PTPRZ1: variants seen among roughly 807,000 people sequenced by gnomAD.
PTPRZ1 encodes receptor-type tyrosine-protein phosphatase zeta.
PTPRZ1 carries 82 observed loss-of-function variants against 214.1 expected under a neutral mutation model. That is an observed-to-expected ratio of 0.38 (90% CI 0.32 to 0.46). The LOEUF (loss-of-function observed/expected upper bound fraction) is 0.46, where lower values mean the gene tolerates loss of function less well. Ranked by LOEUF, PTPRZ1 falls within the 20% of genes least tolerant of loss-of-function variation. The pLI is 1.00. For missense variants in PTPRZ1, 2,603 were observed against 2,748.7 expected, an observed-to-expected ratio of 0.95 and a Z score of 1.19; for synonymous variants, 945 against 987.9, an observed-to-expected ratio of 0.96 and a Z score of 0.81.
intron 6 of PTPRZ1, among the ~76,000 whole-genome samples, 166 bp from the exon 7 acceptor site, chr7:121,983,499 T>TG (rs1219814999): frequency 6.6e-6 from 1 of 152,232 alleles, no homozygotes; most frequent in Non-Finnish European, 1.5e-5. Flanking sequence ...TAATACAATT[T>TG]GGGGCATGCC....
In PTPRZ1 at chr7:121,873,446, T is replaced by G; in HGVS notation, c.-54T>G. 1 of 1,582,372 alleles carries G rather than the reference T, an allele frequency of 6.3e-7. No individual in the cohort carries two copies. Among genetic ancestry groups the G allele is most frequent in the Admixed American group, 1.7e-5 (1 of 59,762 alleles). ...ACATTTCCTTCGCTCCCCCTCCCTC[T>G]CCACTCTGAGAAGCAGAGGAGCCGC... On this transcript the variant is annotated 5_prime_UTR_variant, in exon 1 of 30. Transcript: ENST00000393386.
Position 122,053,894 on chromosome 7 carries a change from C to T in PTPRZ1, c.6253-16C>T. The T allele has an allele frequency of 1.9e-6, 3 of 1,611,118 alleles. No individual in the cohort carries two copies. The highest frequency in any genetic ancestry group is 2.5e-6 in the Non-Finnish European group (3 of 1,178,458). On this transcript the variant is annotated splice_polypyrimidine_tract_variant and intron_variant, in intron 25 of 29. Coordinates refer to ENST00000393386, the MANE Select transcript of PTPRZ1 (RefSeq NM_002851.3). ...CATACGCCAGTGCTGTTTTTGTCTT[C>T]TCTTTGGTTTTGTAGGGCTATTACC... is the stretch of plus-strand genomic sequence containing the variant.
intron 2 of PTPRZ1, among the ~76,000 whole-genome samples, chr7:121,944,569 C>T (rs181912296): frequency 1.8e-4 from 28 of 152,144 alleles, no homozygotes; most frequent in Non-Finnish European, 3.4e-4. Context: ...TTAAACAACT[C>T]ATGTAATTGT....
At chr7:121,952,507 G>A (rs774933113) in intron 2 of PTPRZ1, among the ~76,000 whole-genome samples, 13 of 152,004 alleles carry the variant, frequency 8.6e-5, no homozygotes, top group Non-Finnish European at 1.8e-4. Flanking sequence ...AATCACTTGA[G>A]CCCAGGAGTT....
At chr7:121,925,705 C>T (rs1009035900) in intron 1 of PTPRZ1, among the ~76,000 whole-genome samples, 6 of 152,104 alleles carry the variant, frequency 3.9e-5, no homozygotes, top group East Asian at 1.9e-4. Flanking sequence ...TCTGTATTTG[C>T]TGATTGGCTT....
chr7:122,036,084 C>T (rs958256983), intron 17 of PTPRZ1, among the ~76,000 whole-genome samples: 1 of 152,162 alleles, frequency 6.6e-6, no homozygotes, highest in Admixed American at 6.5e-5. Flanking sequence ...TTTGCTGTAA[C>T]CATTCACAGA....
chr7:122,013,967 A>T, intron 12 of PTPRZ1, 78 bp downstream of exon 12: 1 of 1,296,424 alleles, frequency 7.7e-7, no homozygotes, highest in Non-Finnish European at 1.0e-6. Context: ...TTATAGAAAG[A>T]TAGAAATTTG....
intron 1 of PTPRZ1, among the ~76,000 whole-genome samples, chr7:121,882,736 A>G (rs912745795): frequency 2.0e-5 from 3 of 152,196 alleles, no homozygotes; most frequent in African/African-American, 7.2e-5. Flanking sequence ...ACAGGGAATC[A>G]GGAAGCTTGG....
intron 11 of PTPRZ1, 82 bp from the exon 12 acceptor site, chr7:122,010,252 G>T (rs1798605353): frequency 1.5e-6 from 2 of 1,331,288 alleles, no homozygotes; most frequent in African/African-American, 1.5e-5. Flanking sequence ...TACCACAAGT[G>T]ATGATTGGCA....
chr7:122,034,606 A>G (rs189925849), intron 17 of PTPRZ1, among the ~76,000 whole-genome samples: 1 of 152,278 alleles, frequency 6.6e-6, no homozygotes, highest in African/African-American at 2.4e-5. Context: ...CAAACTTAGA[A>G]TTTTAATCCA....
rs181766333 is a variant in PTPRZ1, at chr7:122,061,311, G to C, written c.*91G>C. ...AATCAGTCTAGTTCTGTTATCTGTT[G>C]ATTTCCCATCACCTGACAGTAACTT... On this transcript the variant is annotated 3_prime_UTR_variant, in exon 30 of 30. Coordinates refer to ENST00000393386, the MANE Select transcript of PTPRZ1 (RefSeq NM_002851.3). The C allele has an allele frequency of 2.4e-5, 30 of 1,240,702 alleles. No individual in the cohort carries two copies. In the Admixed American group the frequency reaches 6.2e-4, roughly 25 times the overall value. 76.9% of individuals were successfully genotyped at this position (1,240,702 alleles called of 1,614,324 possible).
rs539568070 is a variant in PTPRZ1 at position 121,873,346 on chromosome 7, A to C, written c.-154A>C. The C allele has an allele frequency of 9.1e-5, 61 of 668,232 alleles. No individual in the cohort carries two copies. The highest frequency in any genetic ancestry group is 1.5e-4 in the Non-Finnish European group (57 of 381,918). The allele number at this position is 668,232 out of a possible 1,614,324, so 41.4% of individuals were successfully genotyped here. ...CTCTCTCTCACACACACACACACAC[A>C]CACAAACACACATACGCACGCACGA... On this transcript the variant is annotated 5_prime_UTR_variant, in exon 1 of 30. Transcript: ENST00000393386.
At chr7:121,990,693 T>C (rs1028712905) in intron 8 of PTPRZ1, among the ~76,000 whole-genome samples, 5 of 151,960 alleles carry the variant, frequency 3.3e-5, no homozygotes, top group African/African-American at 1.2e-4. Flanking sequence ...CTAATTTTTG[T>C]ATTTTTAGCA....
intron 1 of PTPRZ1, among the ~76,000 whole-genome samples, chr7:121,919,803 G>A (rs1483786071): frequency 7.9e-6 from 1 of 126,718 alleles, no homozygotes; most frequent in Non-Finnish European, 1.7e-5. Flanking sequence ...TTTTTCTATT[G>A]ATCTGTCTAT....
At chr7:121,932,600 T>C (rs1373418542) in intron 2 of PTPRZ1, among the ~76,000 whole-genome samples, 2 of 152,172 alleles carry the variant, frequency 1.3e-5, no homozygotes, top group Non-Finnish European at 2.9e-5. Flanking sequence ...GGCTTGCCCT[T>C]GAGTGTCTGA....
intron 2 of PTPRZ1, among the ~76,000 whole-genome samples, chr7:121,941,509 TG>T (rs924025314): frequency 3.3e-5 from 5 of 152,258 alleles, no homozygotes; most frequent in African/African-American, 1.2e-4. Context: ...CAGTCATTTC[TG>T]GAAAGTGGAA....
In PTPRZ1 at chr7:122,061,245, C is replaced by T. The variant is rs1792568720; in HGVS notation, c.*25C>T. On this transcript the variant is annotated 3_prime_UTR_variant, in exon 30 of 30. Transcript: ENST00000393386. Reference sequence around the variant, plus strand: ...ACACAGAAAGGGGTGGGGGAACTCACATCTGAGCATTGTTTTCCTCTTCCT... The same window carrying T: ...ACACAGAAAGGGGTGGGGGAACTCATATCTGAGCATTGTTTTCCTCTTCCT... The T allele has an allele frequency of 2.0e-6, 3 of 1,530,820 alleles. No individual in the cohort carries two copies. The highest frequency in any genetic ancestry group is 2.3e-5 in the East Asian group (1 of 42,634). 94.8% of individuals were successfully genotyped at this position (1,530,820 alleles called of 1,614,324 possible). A position where few individuals can be genotyped will look rare whatever the true frequency, so the allele number is the denominator to read the frequency against.
In PTPRZ1 at chr7:122,012,584, G is replaced by A. The variant is rs1257968095; in HGVS notation, c.3538G>A (p.Val1180Ile). 6.2e-7 allele frequency: 1 copy of A among 1,613,372 alleles called. No individual in the cohort carries two copies. The highest frequency in any genetic ancestry group is 8.5e-7 in the Non-Finnish European group (1 of 1,179,306). ...GACCTCAGCTTCTTTTAGTACTGAA[G>A]TATTGCTACAACCTTCCTTTCAGGC... ...YETSASFSTE[V>I]LLQPSFQASD... Residue 1180 changes from valine (V) to isoleucine (I), a missense_variant, in exon 12 of 30, where the codon GTA becomes ATA. Val to Ile is a conservative substitution (Grantham distance 29). Coordinates refer to ENST00000393386, the MANE Select transcript of PTPRZ1 (RefSeq NM_002851.3).
At chr7:122,027,785 T>C (rs1799244393) in intron 13 of PTPRZ1, among the ~76,000 whole-genome samples, 1 of 152,188 alleles carries the variant, frequency 6.6e-6, no homozygotes, top group Admixed American at 6.6e-5. Context: ...CGAATGAAAA[T>C]AGATTCAGGT....
Sources: allele counts gnomAD v4.1 joint callset (sites outside exome capture counted in the v4.1 genomes callset), GRCh38; gene constraint gnomAD v4.1.1; transcripts MANE v1.5; gene names NCBI Gene and HGNC (gene_info 2026-07-23, HGNC 2026-07-21).